DOCK8: variants seen among roughly 807,000 people sequenced by gnomAD.
The protein encoded by DOCK8 is dedicator of cytokinesis 8.
A neutral mutation model predicts 245.6 loss-of-function variants in DOCK8; 141 were observed. That is an observed-to-expected ratio of 0.57 (90% CI 0.50 to 0.66). The LOEUF (loss-of-function observed/expected upper bound fraction) is 0.66. Ranked by LOEUF, DOCK8 falls within the 30% of genes least tolerant of loss-of-function variation. The probability of loss-of-function intolerance (pLI) is 0.00; values close to 1 mark genes in which losing one functional copy is unlikely to be tolerated. For missense variants in DOCK8, 2,965 were observed against 2,603.4 expected, an observed-to-expected ratio of 1.14 and a Z score of -3.02; for synonymous variants, 1,168 against 970.2, an observed-to-expected ratio of 1.20 and a Z score of -3.79.
At chr9:413,218 G>T (rs935747338) in intron 28 of DOCK8, among the ~76,000 whole-genome samples, 1 of 152,138 alleles carries the variant, frequency 6.6e-6, no homozygotes, top group African/African-American at 2.4e-5. Flanking sequence ...TCAAAAGAAT[G>T]AAGTTGGACC....
At chr9:244,871 GT>G (rs1367351303) in intron 1 of DOCK8, among the ~76,000 whole-genome samples, 1 of 152,180 alleles carries the variant, frequency 6.6e-6, no homozygotes, top group Non-Finnish European at 1.5e-5. Context: ...GGGCCAGTGT[GT>G]TTTGAAGAAG....
intron 10 of DOCK8, among the ~76,000 whole-genome samples, chr9:333,092 G>T (rs922280347): frequency 1.3e-5 from 2 of 152,164 alleles, no homozygotes; most frequent in Non-Finnish European, 2.9e-5. Flanking sequence ...CAGCTGGTTG[G>T]GAGGTCCGTG....
At chr9:307,286 T>G (rs538838766) in intron 5 of DOCK8, among the ~76,000 whole-genome samples, 8 of 148,288 alleles carry the variant, frequency 5.4e-5, no homozygotes, top group Non-Finnish European at 1.2e-4. Flanking sequence ...CACGCTTTCC[T>G]GCAGCATACT....
intron 11 of DOCK8, among the ~76,000 whole-genome samples, chr9:335,769 A>T (rs182684273): frequency 6.6e-6 from 1 of 152,270 alleles, no homozygotes; most frequent in East Asian, 1.9e-4. Context: ...AGATGCAAAG[A>T]TGTCATGTAT....
chr9:412,110 A>G (rs2055757760), intron 28 of DOCK8, among the ~76,000 whole-genome samples: 1 of 152,142 alleles, frequency 6.6e-6, no homozygotes. Context: ...AAATAAAACA[A>G]AAGACATCTA....
chr9:439,116 G>A (rs970745069), intron 39 of DOCK8, 129 bp from the exon 40 acceptor site: 11 of 1,181,004 alleles, frequency 9.3e-6, no homozygotes, highest in Admixed American at 1.7e-5. Context: ...TAGAATTACA[G>A]ACCTAGTTTA....
intron 14 of DOCK8, among the ~76,000 whole-genome samples, chr9:345,737 C>T (rs926888441): frequency 1.3e-5 from 2 of 152,078 alleles, no homozygotes; most frequent in African/African-American, 4.8e-5. Context: ...AGGTGTCCTG[C>T]GTGGGGCACC....
chr9:341,478 G>A (rs1370946208), intron 14 of DOCK8, among the ~76,000 whole-genome samples: 1 of 152,146 alleles, frequency 6.6e-6, no homozygotes, highest in African/African-American at 2.4e-5. Context: ...TGTTTTCTGT[G>A]TTTTTATATA....
intron 4 of DOCK8, among the ~76,000 whole-genome samples, chr9:293,688 TTCTGTC>T (rs946508093): frequency 6.6e-6 from 1 of 152,202 alleles, no homozygotes; most frequent in Admixed American, 6.5e-5. Flanking sequence ...TCCACAGAGG[TTCTGTC>T]CAGATTCAGG....
chr9:236,462 C>A (rs1445112815), intron 1 of DOCK8, among the ~76,000 whole-genome samples: 1 of 152,160 alleles, frequency 6.6e-6, no homozygotes, highest in Non-Finnish European at 1.5e-5. Context: ...GGGGCTAGTG[C>A]ATATTGATAG....
At chr9:400,460 CCATCACCACCACCCACCTCCTTCACCAT>C (rs1564013965) in intron 26 of DOCK8, among the ~76,000 whole-genome samples, 20 of 830 alleles carry the variant, frequency 0.024, no homozygotes, top group Middle Eastern at 0.25. Context: ...AGCATCTTCA[CCATCACCACCACCCACCTCCTTCACCAT>C]CACCACCACC....
At chr9:304,826 A>G in intron 5 of DOCK8, 122 bp downstream of exon 5, 1 of 1,364,734 alleles carries the variant, frequency 7.3e-7, no homozygotes, top group Non-Finnish European at 1.0e-6. Flanking sequence ...GAGGAACTTT[A>G]CCATCTGAGT....
intron 33 of DOCK8, among the ~76,000 whole-genome samples, chr9:425,608 G>A (rs575140965): frequency 2.7e-4 from 40 of 150,572 alleles, no homozygotes; most frequent in African/African-American, 8.8e-4. Flanking sequence ...ACTTTATCAC[G>A]ATATAAAAAT....
chr9:318,917 T>C (rs1003526883), intron 7 of DOCK8, among the ~76,000 whole-genome samples: 10 of 152,178 alleles, frequency 6.6e-5, no homozygotes, highest in African/African-American at 2.2e-4. Context: ...AGCCAAGCTT[T>C]CTAGACCTCT....
intron 27 of DOCK8, among the ~76,000 whole-genome samples, chr9:406,306 T>G (rs1207402667): frequency 6.6e-6 from 1 of 151,980 alleles, no homozygotes; most frequent in Non-Finnish European, 1.5e-5. Flanking sequence ...CTGACCAACA[T>G]GATGAAAACT....
intron 18 of DOCK8, among the ~76,000 whole-genome samples, chr9:374,673 T>C (rs2053449313): frequency 6.6e-6 from 1 of 150,696 alleles, no homozygotes; most frequent in Non-Finnish European, 1.5e-5. Flanking sequence ...GCTATGCTGC[T>C]CAGGCTGGTC....
rs939297954 is a variant in DOCK8 at position 399,131 on chromosome 9, T to G, written c.3121-15T>G. ...GTGTCCCACAAAATGATTTGGGTGTTTGTTTGTTTTTAAGGAAAATGAACA... is the reference window on the plus strand; with the variant it reads ...GTGTCCCACAAAATGATTTGGGTGTGTGTTTGTTTTTAAGGAAAATGAACA... On this transcript the variant is annotated splice_polypyrimidine_tract_variant and intron_variant, in intron 25 of 47. Coordinates refer to ENST00000432829, the MANE Select transcript of DOCK8 (RefSeq NM_203447.4). 4 of 1,611,194 alleles carry G rather than the reference T, an allele frequency of 2.5e-6. No homozygotes were observed. The highest frequency in any genetic ancestry group is 3.4e-6 in the Non-Finnish European group (4 of 1,177,714).
chr9:278,172 T>TG (rs2048432900), intron 2 of DOCK8, among the ~76,000 whole-genome samples: 1 of 152,024 alleles, frequency 6.6e-6, no homozygotes, highest in African/African-American at 2.4e-5. Context: ...TTATTGTCAT[T>TG]GTTCAGCAGA....
At chr9:284,979 A>G (rs1191015794) in intron 2 of DOCK8, among the ~76,000 whole-genome samples, 6 of 152,200 alleles carry the variant, frequency 3.9e-5, no homozygotes, top group Non-Finnish European at 8.8e-5. Flanking sequence ...AGCAGAAAAG[A>G]TAACTATGTG....
Sources: allele counts gnomAD v4.1 joint callset (sites outside exome capture counted in the v4.1 genomes callset), GRCh38; gene constraint gnomAD v4.1.1; transcripts MANE v1.5; gene names NCBI Gene and HGNC (gene_info 2026-07-23, HGNC 2026-07-21).